The following TMEM116 variants were observed in gnomAD, a reference collection of about 807,000 sequenced individuals.
The protein encoded by TMEM116 is transmembrane protein 116.
TMEM116 carries 38 observed loss-of-function variants against 44.3 expected under a neutral mutation model. The ratio of observed to expected loss-of-function variants is 0.86; its 90% CI spans 0.66 to 1.12. TMEM116 has a LOEUF of 1.12. TMEM116 is among the 50% of genes most tolerant of loss of function. TMEM116 has a pLI of 0.00. For missense variants in TMEM116, 354 were observed against 401.7 expected, an observed-to-expected ratio of 0.88 and a Z score of 1.01; for synonymous variants, 132 against 144.8, an observed-to-expected ratio of 0.91 and a Z score of 0.64.
At chr12:111,971,808 C>G (rs1454370909) in intron 4 of TMEM116, among the ~76,000 whole-genome samples, 2 of 152,090 alleles carry the variant, frequency 1.3e-5, no homozygotes, top group Non-Finnish European at 2.9e-5. Flanking sequence ...GGCTCAGTGG[C>G]TCATGCCTGT....
At chr12:112,003,983 A>T in intron 2 of TMEM116, 120 bp from the exon 3 acceptor site, 1 of 1,344,454 alleles carries the variant, frequency 7.4e-7, no homozygotes, top group Non-Finnish European at 9.5e-7. Flanking sequence ...AATAAACTGC[A>T]TTAAAAAAAT....
At chr12:111,933,314 T>G (rs1211329012) in intron 9 of TMEM116, among the ~76,000 whole-genome samples, 1 of 151,906 alleles carries the variant, frequency 6.6e-6, no homozygotes, top group African/African-American at 2.4e-5. Context: ...GGTGTTAATA[T>G]CTCCAAGTCT....
chr12:111,948,170 G>C (rs2073427047), intron 4 of TMEM116, among the ~76,000 whole-genome samples: 1 of 152,176 alleles, frequency 6.6e-6, no homozygotes, highest in African/African-American at 2.4e-5. Context: ...TATAAGCACT[G>C]AGTTCAGCTA....
chr12:111,983,168 T>C (rs1466601284), intron 4 of TMEM116, among the ~76,000 whole-genome samples: 2 of 151,716 alleles, frequency 1.3e-5, no homozygotes, highest in African/African-American at 4.8e-5. Flanking sequence ...CCAGGCACGG[T>C]GGCTCATGCC....
chr12:111,968,907 C>T (rs1314962061), intron 4 of TMEM116, among the ~76,000 whole-genome samples: 3 of 147,224 alleles, frequency 2.0e-5, no homozygotes, highest in African/African-American at 5.0e-5. Flanking sequence ...ACAGGAGAAT[C>T]GCTTCAACTC....
At chr12:111,933,848 C>T in intron 9 of TMEM116, 38 bp downstream of exon 9, 1 of 1,610,698 alleles carries the variant, frequency 6.2e-7, no homozygotes, top group Non-Finnish European at 8.5e-7. Flanking sequence ...CTAATAACTG[C>T]CCTCTTCACT....
At chr12:111,971,646 A>T (rs1400698784) in intron 4 of TMEM116, among the ~76,000 whole-genome samples, 2 of 152,246 alleles carry the variant, frequency 1.3e-5, no homozygotes, top group Non-Finnish European at 2.9e-5. Flanking sequence ...ACAAACAGCA[A>T]AATGTTAGAT....
intron 4 of TMEM116, among the ~76,000 whole-genome samples, chr12:111,987,192 A>C (rs1184916426): frequency 2.6e-5 from 4 of 152,122 alleles, no homozygotes; most frequent in Admixed American, 2.0e-4. Context: ...GTAACAAAAA[A>C]GCAAGCAATC....
chr12:111,950,548 C>A (rs1258280818), intron 4 of TMEM116, among the ~76,000 whole-genome samples: 1 of 151,544 alleles, frequency 6.6e-6, no homozygotes, highest in African/African-American at 2.4e-5. Flanking sequence ...ACTATCTGAT[C>A]TTCGACGAAG....
intron 4 of TMEM116, among the ~76,000 whole-genome samples, chr12:111,975,436 A>G (rs186612849): frequency 4.0e-4 from 61 of 152,342 alleles, no homozygotes; most frequent in Admixed American, 1.9e-3. Flanking sequence ...GATTACAGGC[A>G]TGAGCCACAG....
intron 3 of TMEM116, chr12:111,993,668 C>T (rs1224742927): frequency 3.3e-6 from 2 of 597,044 alleles, no homozygotes; most frequent in Admixed American, 2.0e-5. Context: ...ATAGCATATG[C>T]CATGATGAAG....
At chr12:111,988,030 A>G (rs1304650264) in intron 4 of TMEM116, among the ~76,000 whole-genome samples, 2 of 152,250 alleles carry the variant, frequency 1.3e-5, no homozygotes, top group African/African-American at 4.8e-5. Flanking sequence ...ATGCTACAAC[A>G]AGATAAACCT....
Position 111,991,844 on chromosome 12 carries a change from G to C in TMEM116, c.124C>G (p.Leu42Val), listed in dbSNP as rs2076623041. Residue 42 changes from leucine (L) to valine (V), a missense_variant, in exon 4 of 11, where the codon CTT (leucine) becomes GTT (valine). Leu to Val is a conservative substitution (Grantham distance 32). Transcript: ENST00000552374. ...AGAAGTGTCTCCGTGAGCCAGCAAA[G>C]TCCCAGGAGCAGGTCACAGAAGCTC... ...YLSFCDLLLGLCWLTETLLYG... is the reference protein window; with the variant it reads ...YLSFCDLLLGVCWLTETLLYG... 2.0e-6 allele frequency: 3 copies of C among 1,536,200 alleles called. No individual in the cohort carries two copies. The South Asian group carries it at 3.6e-5, about 18-fold the overall frequency.
intron 4 of TMEM116, among the ~76,000 whole-genome samples, chr12:111,972,891 CA>C (rs1272610102): frequency 6.7e-6 from 1 of 149,918 alleles, no homozygotes; most frequent in Non-Finnish European, 1.5e-5. Flanking sequence ...AGAAACAAAA[CA>C]AAAAAAACAC....
chr12:111,943,599 A>G (rs2073033923), intron 4 of TMEM116, among the ~76,000 whole-genome samples: 1 of 152,112 alleles, frequency 6.6e-6, no homozygotes, highest in Admixed American at 6.5e-5. Flanking sequence ...CAATGGCACA[A>G]TCTCGGCTCA....
intron 4 of TMEM116, among the ~76,000 whole-genome samples, chr12:111,945,560 A>T (rs2073206327): frequency 6.6e-6 from 1 of 152,080 alleles, no homozygotes; most frequent in Non-Finnish European, 1.5e-5. Context: ...ACTGTAATTA[A>T]TGTTAACATT....
At chr12:112,006,103 C>T (rs2077570515) in intron 1 of TMEM116, 1 of 311,842 alleles carries the variant, frequency 3.2e-6, no homozygotes, top group Admixed American at 6.5e-5. Flanking sequence ...CTGGGCTCCT[C>T]CTATACTGAA....
intron 5 of TMEM116, among the ~76,000 whole-genome samples, chr12:111,939,495 G>A: frequency 6.8e-6 from 1 of 147,836 alleles, no homozygotes; most frequent in South Asian, 2.2e-4. Context: ...AGTCTTGCTA[G>A]AGTATTTCAA....
At position 111,931,748 on chromosome 12, in the gene TMEM116, T is replaced by C. The variant is rs2071662126; in HGVS notation, c.887A>G (p.Gln296Arg). Residue 296 changes from glutamine (Q) to arginine (R), a missense_variant, in exon 11 of 11, where the codon CAG becomes CGG. Coordinates refer to ENST00000552374, the MANE Select transcript of TMEM116 (RefSeq NM_001193531.2). ...WTQHKFHQLK[Q>R]EARRDADTQT... ...GGTATCTGCATCACGCCGAGCCTCC[T>C]GCTTTAGTTGGTGGAATTTGTGCTG... 6.2e-7 allele frequency: 1 copy of C among 1,609,128 alleles called. No individual in the cohort carries two copies. Among genetic ancestry groups the C allele is most frequent in the Non-Finnish European group, 8.5e-7 (1 of 1,177,790 alleles).
Sources: allele counts gnomAD v4.1 joint callset (sites outside exome capture counted in the v4.1 genomes callset), GRCh38; gene constraint gnomAD v4.1.1; transcripts MANE v1.5; gene names NCBI Gene and HGNC (gene_info 2026-07-23, HGNC 2026-07-21).